The following IL1RAPL2 variants were observed in gnomAD, a reference collection of about 807,000 sequenced individuals.
The protein encoded by IL1RAPL2 is X-linked interleukin-1 receptor accessory protein-like 2.
In IL1RAPL2, 3 loss-of-function variants were observed where a neutral mutation model predicts 44.1. The ratio of observed to expected loss-of-function variants is 0.07; its 90% confidence interval spans 0.03 to 0.18. The LOEUF (loss-of-function observed/expected upper bound fraction) is 0.18. IL1RAPL2 is among the 10% of genes least tolerant of loss of function. The probability of loss-of-function intolerance (pLI) is 1.00; values close to 1 mark genes in which losing one functional copy is unlikely to be tolerated. For missense variants in IL1RAPL2, 391 were observed against 496.4 expected (o/e 0.79, Z 2.02); for synonymous variants, 181 against 178.8 (o/e 1.01, Z -0.10).
intron 2 of IL1RAPL2, among the ~76,000 whole-genome samples, chrX:104,685,240 T>G (rs751425830): frequency 5.5e-4 from 62 of 112,179 alleles, no homozygotes; most frequent in Non-Finnish European, 1.0e-3. Flanking sequence ...ATTACCCCTA[T>G]CCTCTTCTTT....
chrX:105,685,411 C>T (rs183036057), intron 6 of IL1RAPL2, among the ~76,000 whole-genome samples: 2 of 111,422 alleles, frequency 1.8e-5, no homozygotes, highest in African/African-American at 3.3e-5. Flanking sequence ...ATGATGCATG[C>T]GGAAGTTTCA....
chrX:105,005,624 T>G (rs988251118), intron 2 of IL1RAPL2, among the ~76,000 whole-genome samples: 3 of 110,818 alleles, frequency 2.7e-5, no homozygotes, highest in African/African-American at 9.8e-5. Flanking sequence ...TCTGCTTATA[T>G]TATAGGCCTA....
At chrX:104,925,278 C>T (rs1376992144) in intron 2 of IL1RAPL2, among the ~76,000 whole-genome samples, 1 of 103,859 alleles carries the variant, frequency 9.6e-6, no homozygotes, top group Non-Finnish European at 2.0e-5. Context: ...ACCAAATATA[C>T]AGGTAAGAGT....
rs144463911 is a variant in IL1RAPL2 at position 105,061,017 on chromosome X, T to C, written c.83-134458T>C. Among the ~76,000 whole-genome samples, 844 of 111,537 alleles carry C rather than the reference T, an allele frequency of 7.6e-3. 12 individuals are homozygous for C. The highest frequency in any genetic ancestry group is 0.026 in the African/African-American group (806 of 30,888). On this transcript the variant is annotated intron_variant, in intron 2 of 10. Transcript: ENST00000372582. The stretch of plus-strand genomic sequence containing the variant: ...AGCTTTTCATTTCATTGGTCTTTTG[T>C]ATTATTTTTTTATTTCAGTTTTATT...
At chrX:104,834,347 C>T (rs1017862348) in intron 2 of IL1RAPL2, among the ~76,000 whole-genome samples, 7 of 111,646 alleles carry the variant, frequency 6.3e-5, no homozygotes, top group Non-Finnish European at 1.1e-4. Flanking sequence ...TCCTTGTCCA[C>T]GCCGCACCCT....
intron 2 of IL1RAPL2, among the ~76,000 whole-genome samples, chrX:105,003,820 C>T (rs1242859287): frequency 9.0e-6 from 1 of 111,275 alleles, no homozygotes; most frequent in Non-Finnish European, 1.9e-5. Context: ...CAGATCCATA[C>T]TTGCAGAGGT....
intron 2 of IL1RAPL2, among the ~76,000 whole-genome samples, chrX:104,931,371 T>A (rs987347743): frequency 1.2e-5 from 1 of 86,150 alleles, no homozygotes; most frequent in Non-Finnish European, 2.3e-5. Context: ...CTCCCCCACC[T>A]CCCCTAAAAA....
intron 2 of IL1RAPL2, among the ~76,000 whole-genome samples, chrX:105,063,597 T>G (rs1199820357): frequency 8.9e-6 from 1 of 112,159 alleles, no homozygotes; most frequent in Non-Finnish European, 1.9e-5. Flanking sequence ...TCCTTGTCAA[T>G]GCTTATTTCC....
chrX:104,947,234 C>A (rs771929643), intron 2 of IL1RAPL2, among the ~76,000 whole-genome samples: 1,886 of 109,991 alleles, frequency 0.017, 48 homozygotes, highest in African/African-American at 0.058. Flanking sequence ...GTGTCTGTTC[C>A]TGTCCTTCGC....
chrX:105,103,114 A>G (rs2032691713), intron 2 of IL1RAPL2, among the ~76,000 whole-genome samples: 1 of 111,712 alleles, frequency 9.0e-6, no homozygotes, highest in South Asian at 3.8e-4. Flanking sequence ...GCCCGTACTC[A>G]GTAAATAGTT....
intron 7 of IL1RAPL2, among the ~76,000 whole-genome samples, chrX:105,722,068 G>A (rs1217216345): frequency 9.0e-6 from 1 of 111,494 alleles, no homozygotes; most frequent in Non-Finnish European, 1.9e-5. Context: ...ATCATCGAGT[G>A]TACATATACA....
At chrX:105,442,921 C>G (rs1313313955) in intron 5 of IL1RAPL2, among the ~76,000 whole-genome samples, 2 of 111,055 alleles carry the variant, frequency 1.8e-5, no homozygotes, top group Non-Finnish European at 3.8e-5. Context: ...ACTAAAAATA[C>G]AAAAAGTAGC....
intron 5 of IL1RAPL2, among the ~76,000 whole-genome samples, chrX:105,289,230 A>C (rs2034594642): frequency 1.8e-5 from 2 of 110,646 alleles, no homozygotes; most frequent in Admixed American, 1.9e-4. Context: ...AAATTAGGAG[A>C]TGAGGTCAGA....
intron 2 of IL1RAPL2, among the ~76,000 whole-genome samples, chrX:104,732,185 G>A (rs1931933081): frequency 9.0e-6 from 1 of 111,723 alleles, no homozygotes; most frequent in Non-Finnish European, 1.9e-5. Flanking sequence ...TGTAGAATGT[G>A]TAAGAGAAGG....
At chrX:105,240,636 A>G (rs1049918426) in intron 4 of IL1RAPL2, among the ~76,000 whole-genome samples, 23 of 111,725 alleles carry the variant, frequency 2.1e-4, no homozygotes, top group African/African-American at 6.8e-4. Context: ...GAATTAAGCA[A>G]TTAACTAGCA....
intron 2 of IL1RAPL2, among the ~76,000 whole-genome samples, chrX:105,032,298 A>C (rs2031518363): frequency 9.4e-6 from 1 of 106,800 alleles, no homozygotes; most frequent in South Asian, 4.3e-4. Context: ...TTGCTTTTCT[A>C]GTTCTTTTAA....
At chrX:105,132,111 G>A (rs1370178561) in intron 2 of IL1RAPL2, among the ~76,000 whole-genome samples, 1 of 107,788 alleles carries the variant, frequency 9.3e-6, no homozygotes, top group East Asian at 2.9e-4. Flanking sequence ...AATACCAAAG[G>A]TTTCAATGAA....
chrX:105,749,905 A>G (rs192994493), intron 9 of IL1RAPL2, among the ~76,000 whole-genome samples: 15 of 112,095 alleles, frequency 1.3e-4, no homozygotes, highest in African/African-American at 4.9e-4. Context: ...GGAAATGTGT[A>G]TAGAATGCCA....
At chrX:105,347,894 T>C (rs1043920402) in intron 5 of IL1RAPL2, among the ~76,000 whole-genome samples, 2 of 111,575 alleles carry the variant, frequency 1.8e-5, no homozygotes, top group Non-Finnish European at 3.8e-5. Context: ...AAATGTCCTC[T>C]GGGGAGCAAA....
Sources: allele counts gnomAD v4.1 joint callset (sites outside exome capture counted in the v4.1 genomes callset), GRCh38; gene constraint gnomAD v4.1.1; transcripts MANE v1.5; gene names NCBI Gene and HGNC (gene_info 2026-07-23, HGNC 2026-07-21).